The following IGSF10 variants were observed in gnomAD, a reference collection of about 807,000 sequenced individuals.
The protein encoded by IGSF10 is calvaria mechanical force protein 608.
A neutral mutation model predicts 128.2 loss-of-function variants in IGSF10; 126 were observed. The observed-to-expected ratio is 0.98, with a 90% confidence interval of 0.85 to 1.14. IGSF10 has a LOEUF of 1.14. Among genes scored for constraint, IGSF10 ranks in the 50% most tolerant of loss-of-function variants. IGSF10 has a pLI of 0.00. For synonymous variants in IGSF10, 1,185 were observed against 1,146.2 expected, an observed-to-expected ratio of 1.03 and a Z score of -0.68; for missense variants, 3,295 against 3,149.8, an observed-to-expected ratio of 1.05 and a Z score of -1.10.
the IGSF10 span, among the ~76,000 whole-genome samples, chr3:151,515,073 A>T: frequency 6.6e-6 from 1 of 152,162 alleles, no homozygotes; most frequent in Non-Finnish European, 1.5e-5. Flanking sequence ...TTCCTCAAGG[A>T]TCTAGAACTA....
chr3:151,483,759 G>A, the IGSF10 span, among the ~76,000 whole-genome samples: 1 of 152,156 alleles, frequency 6.6e-6, no homozygotes, highest in Admixed American at 6.5e-5. Context: ...ACTGTACCAT[G>A]CACTCTGGCC....
the IGSF10 span, among the ~76,000 whole-genome samples, chr3:151,614,858 A>G: frequency 6.6e-6 from 1 of 151,766 alleles, no homozygotes; most frequent in Admixed American, 6.6e-5. Context: ...GGTAAAGTGA[A>G]GTATAGGAAT....
At chr3:151,533,586 A>G in the IGSF10 span, among the ~76,000 whole-genome samples, 1 of 152,238 alleles carries the variant, frequency 6.6e-6, no homozygotes, top group African/African-American at 2.4e-5. Flanking sequence ...GGTGTTGGGA[A>G]AACTGTCTAG....
upstream of IGSF10, among the ~76,000 whole-genome samples, chr3:151,464,766 C>CCCT (rs771845981): frequency 5.3e-5 from 8 of 152,146 alleles, no homozygotes; most frequent in Non-Finnish European, 1.0e-4. Context: ...GACATCTTAG[C>CCCT]CCTTCCTTTT....
At position 151,448,058 on chromosome 3, in the gene IGSF10, A is replaced by T. The variant is rs780467516; in HGVS notation, c.1923T>A (p.Gly641=). ...RILQVTPKDQ[G]YYRCVAANPS... ...GGTTGGCTGCCACACAGCGATAATA[A>T]CCTTGGTCTTTCGGGGTGACCTGTA... The change falls in exon 6 of 8, where the codon GGT becomes GGA. Residue 641 remains glycine, a synonymous_variant. Transcript: ENST00000282466. 6.2e-7 allele frequency: 1 copy of T among 1,614,150 alleles called. No homozygotes were observed. The highest frequency in any genetic ancestry group is 8.5e-7 in the Non-Finnish European group (1 of 1,180,034).
rs759893858 is a variant in IGSF10, at chr3:151,448,790, T to C, written c.1191A>G (p.Thr397=). ...GTTTATATTTGTAATAGAGCTGCGG[T>C]GTTTCACTAAGCAAGTGGCTCCTTT... ...ILERSHLLSE[T]PQLYYKYKQV... Residue 397 remains threonine, a synonymous_variant, in exon 6 of 8, where the codon ACA becomes ACG. Transcript: ENST00000282466. The C allele has an allele frequency of 5.0e-6, 8 of 1,613,410 alleles. No homozygotes were observed. The African/African-American group carries it at 9.3e-5, about 19-fold the overall frequency.
the IGSF10 span, among the ~76,000 whole-genome samples, chr3:151,490,316 A>G: frequency 6.6e-5 from 10 of 152,162 alleles, no homozygotes; most frequent in Non-Finnish European, 1.5e-4. Flanking sequence ...AGGTCAATTC[A>G]TCAAGAGGAC....
chr3:151,434,524 ATG>A (rs1719880001), downstream of IGSF10: 1 of 47,318 alleles, frequency 2.1e-5, no homozygotes, highest in Non-Finnish European at 5.1e-5. Context: ...CTTTCAGAAG[ATG>A]TATCATCTAT....
In IGSF10 at chr3:151,437,004, A is replaced by G. The variant is rs1720338816; in HGVS notation, c.7557T>C (p.Val2519=). 2.5e-6 allele frequency: 4 copies of G among 1,614,094 alleles called. No individual in the cohort carries two copies. The highest frequency in any genetic ancestry group is 3.4e-6 in the Non-Finnish European group (4 of 1,179,948). The change falls in exon 8 of 8, where the codon GTT becomes GTC. Residue 2519 remains valine (V), a synonymous_variant. Coordinates refer to ENST00000282466, the MANE Select transcript of IGSF10 (RefSeq NM_178822.5). ...QNSVGHTLIT[V]PVMIVAYPPR... ...GAGGGTAGGCTACAATCATTACTGG[A>G]ACAGTAATCAGTGTATGACCAACAC...
the IGSF10 span, among the ~76,000 whole-genome samples, chr3:151,483,945 AAG>A: frequency 1.3e-5 from 2 of 152,182 alleles, no homozygotes; most frequent in Non-Finnish European, 2.9e-5. Context: ...GAACACCAGC[AAG>A]ACAGAACTGT....
chr3:151,435,058 GTTTCTT>G (rs1292607663), downstream of IGSF10: 8 of 124,588 alleles, frequency 6.4e-5, no homozygotes, highest in African/African-American at 2.2e-4. Flanking sequence ...ATCTTGAGAG[GTTTCTT>G]TTTTTTTTTT....
chr3:151,481,853 T>A, the IGSF10 span, among the ~76,000 whole-genome samples: 3 of 152,058 alleles, frequency 2.0e-5, no homozygotes, highest in Non-Finnish European at 4.4e-5. Flanking sequence ...TTAAAGTCCT[T>A]ACCCTAATAA....
intron 7 of IGSF10, among the ~76,000 whole-genome samples, chr3:151,441,801 C>T (rs918613229): frequency 1.3e-5 from 2 of 152,174 alleles, no homozygotes; most frequent in African/African-American, 4.8e-5. Flanking sequence ...GTGGCTCATG[C>T]CTGTAATCCC....
chr3:151,502,379 T>TGGGTA, the IGSF10 span, among the ~76,000 whole-genome samples: 4 of 151,992 alleles, frequency 2.6e-5, no homozygotes, highest in African/African-American at 9.7e-5. Context: ...TAAGGGAAGA[T>TGGGTA]GGGTAAAGAA....
At chr3:151,480,808 C>A in the IGSF10 span, among the ~76,000 whole-genome samples, 1 of 152,158 alleles carries the variant, frequency 6.6e-6, no homozygotes, top group African/African-American at 2.4e-5. Flanking sequence ...TAATACCCCA[C>A]CCCTGCAGAC....
At chr3:151,440,573 G>A (rs755763063) in intron 7 of IGSF10, 2 of 456,708 alleles carry the variant, frequency 4.4e-6, no homozygotes, top group South Asian at 3.1e-5. Flanking sequence ...TTAGCAACTT[G>A]CCTTAGGTCA....
rs763349328 is a variant in IGSF10, at chr3:151,453,715, G to A, written c.384C>T (p.Leu128=). The change falls in exon 5 of 8, where the codon CTC becomes CTT. Residue 128 remains leucine (L), a synonymous_variant. Coordinates refer to ENST00000282466, the MANE Select transcript of IGSF10 (RefSeq NM_178822.5). ...CCATGTGCAATCGTGTCAAGCTCCT[G>A]AGGCCATAAAAAGTATCTTTCTGAA... is the stretch of plus-strand genomic sequence containing the variant. ...RKLQKDTFYG[L]RSLTRLHMDH... The A allele has an allele frequency of 1.2e-6, 2 of 1,604,940 alleles. No homozygotes were observed. The highest frequency in any genetic ancestry group is 3.4e-5 in the Admixed American group (2 of 58,918).
chr3:151,474,586 C>T, the IGSF10 span, among the ~76,000 whole-genome samples: 1 of 152,132 alleles, frequency 6.6e-6, no homozygotes, highest in Admixed American at 6.5e-5. Context: ...GGACTAGGAC[C>T]AATTAGACCC....
the IGSF10 span, among the ~76,000 whole-genome samples, chr3:151,569,726 A>AT: frequency 6.6e-6 from 1 of 151,958 alleles, no homozygotes; most frequent in Admixed American, 6.6e-5. Context: ...CATTATAACT[A>AT]TTTTTTAATC....
Sources: gnomAD v4.1 joint callset for allele counts (sites outside exome capture counted in the v4.1 genomes callset) on GRCh38, gnomAD v4.1.1 for gene constraint, MANE v1.5 for transcripts, NCBI Gene and HGNC (gene_info 2026-07-23, HGNC 2026-07-21) for gene names.